Variants in PGBD5 observed in about 807,000 individuals in gnomAD.
The protein encoded by PGBD5 is piggyBac transposable element-derived protein 5.
In PGBD5, 14 loss-of-function variants were observed where a neutral mutation model predicts 47.9. The ratio of observed to expected loss-of-function variants is 0.29; its 90% CI spans 0.19 to 0.46. PGBD5 has a LOEUF of 0.46. PGBD5 is among the 20% of genes least tolerant of loss of function. PGBD5 has a pLI of 1.00. For missense variants in PGBD5, 635 were observed against 716.0 expected, an observed-to-expected ratio of 0.89 and a Z score of 1.29; for synonymous variants, 316 against 306.3, an observed-to-expected ratio of 1.03 and a Z score of -0.33.
Position 230,323,490 on chromosome 1 carries a change from C to T in PGBD5, c.1510G>A (p.Ala504Thr), listed in dbSNP as rs537859087. The T allele has an allele frequency of 5.0e-6, 8 of 1,614,192 alleles. 1 individual carries two copies. In the Admixed American group the frequency reaches 1.2e-4, roughly 24 times the overall value. ...CTGACGAGTCTCTCTCCAAACTGCG[C>T]CCGGCTGTACCTCTTCACGTGGTAG... is the stretch of plus-strand genomic sequence containing the variant. ...DAYHVKRYSR[A>T]QFGERLVREL... Residue 504 changes from alanine (A) to threonine (T), a missense_variant, in exon 7 of 7, where the codon GCG (alanine) becomes ACG (threonine). Coordinates refer to ENST00000391860, the MANE Select transcript of PGBD5 (RefSeq NM_001258311.2). This position sits in a 1 kb window ranked among gnomAD's most constrained non-coding sequence, Gnocchi z 4.1.
rs1018442192 is a variant in PGBD5 at position 230,357,419 on chromosome 1, G to C, written c.332-98C>G. 9.0e-6 allele frequency: 12 copies of C among 1,333,630 alleles called. No homozygotes were observed. Among genetic ancestry groups the C allele is most frequent in the South Asian group, 8.5e-5 (6 of 70,366 alleles). 82.6% of individuals were successfully genotyped at this position (1,333,630 alleles called of 1,614,324 possible). A position where few individuals can be genotyped will look rare whatever the true frequency, so the allele number is the denominator to read the frequency against. On this transcript the variant is annotated intron_variant, in intron 1 of 6. Coordinates refer to ENST00000391860, the MANE Select transcript of PGBD5 (RefSeq NM_001258311.2). This position sits in a 1 kb window ranked among gnomAD's most constrained non-coding sequence, Gnocchi z 5.7. ...ATTTCCAATCCCTGGGTCCCTGGCC[G>C]AGTGCCCCCGCTGCCTCCAGTGCTA...
intron 4 of PGBD5, among the ~76,000 whole-genome samples, chr1:230,333,632 G>C (rs984658138): frequency 6.6e-6 from 1 of 152,222 alleles, no homozygotes; most frequent in Non-Finnish European, 1.5e-5. Context: ...CTGCACCCCA[G>C]GAAGCTGTCA....
chr1:230,358,118 A>AC (rs1280052360), intron 1 of PGBD5, among the ~76,000 whole-genome samples: 1 of 151,262 alleles, frequency 6.6e-6, no homozygotes, highest in African/African-American at 2.4e-5. Flanking sequence ...GCACTCCAAC[A>AC]CTCCCCCCAG....
chr1:230,352,140 GT>G (rs1252388721), intron 2 of PGBD5, among the ~76,000 whole-genome samples: 2 of 152,158 alleles, frequency 1.3e-5, no homozygotes, highest in Non-Finnish European at 2.9e-5. Flanking sequence ...GCCCACGTCT[GT>G]TTTTGTAAAT....
chr1:230,342,013 G>A (rs1312639279), intron 3 of PGBD5, among the ~76,000 whole-genome samples: 3 of 152,124 alleles, frequency 2.0e-5, no homozygotes, highest in Non-Finnish European at 2.9e-5. Flanking sequence ...ACAACAAAAA[G>A]GATCTTAGGA....
At chr1:230,349,935 T>C (rs1349797205) in intron 3 of PGBD5, among the ~76,000 whole-genome samples, 4 of 152,246 alleles carry the variant, frequency 2.6e-5, no homozygotes, top group Non-Finnish European at 1.5e-5. Flanking sequence ...CCCTCAGACC[T>C]GCAGAAGGAG....
At chr1:230,356,260 A>G (rs1007510822) in intron 2 of PGBD5, among the ~76,000 whole-genome samples, 1 of 152,190 alleles carries the variant, frequency 6.6e-6, no homozygotes, top group Non-Finnish European at 1.5e-5. Context: ...CCCCAGGGCC[A>G]GGTGCCATTG....
chr1:230,371,456 T>C (rs1208554529), intron 1 of PGBD5, among the ~76,000 whole-genome samples: 1 of 152,190 alleles, frequency 6.6e-6, no homozygotes, highest in Non-Finnish European at 1.5e-5. Flanking sequence ...AAGAAACACC[T>C]ATTCTTGGAA....
intron 1 of PGBD5, among the ~76,000 whole-genome samples, chr1:230,413,511 C>A (rs761405536): frequency 4.0e-5 from 6 of 151,824 alleles, no homozygotes; most frequent in South Asian, 2.1e-4. Flanking sequence ...CATAAAAGGG[C>A]GGGGAGGGGA....
chr1:230,356,885 G>A lies in PGBD5; in HGVS notation c.759+9C>T. 6.2e-7 allele frequency: 1 copy of A among 1,610,692 alleles called. No individual in the cohort carries two copies. The highest frequency in any genetic ancestry group is 1.1e-5 in the South Asian group (1 of 90,860). Reference sequence around the variant, plus strand: ...CTGGACAAGCTCTTACGTCCTGCGTGGGCCTCACCTGGGTTTGGGAAGGCC... The same window carrying A: ...CTGGACAAGCTCTTACGTCCTGCGTAGGCCTCACCTGGGTTTGGGAAGGCC... On this transcript the variant is annotated intron_variant, in intron 2 of 6. Transcript: ENST00000391860.
rs115170791 is a variant in PGBD5 at position 230,398,463 on chromosome 1, C to T, written c.331+27135G>A. ...GCCCACCCATATGATTTCATTTTACCTTAATTACCTTTTAAAGACCTCATC... is the reference window on the plus strand; with the variant it reads ...GCCCACCCATATGATTTCATTTTACTTTAATTACCTTTTAAAGACCTCATC... On this transcript the variant is annotated intron_variant, in intron 1 of 6. Transcript: ENST00000391860. Among the ~76,000 whole-genome samples the T allele has an allele frequency of 3.4e-3, 525 of 152,250 alleles. 3 individuals carry two copies. Among genetic ancestry groups the T allele is most frequent in the African/African-American group, 0.012 (489 of 41,544 alleles).
At chr1:230,393,287 G>A (rs1440004815) in intron 1 of PGBD5, among the ~76,000 whole-genome samples, 4 of 144,088 alleles carry the variant, frequency 2.8e-5, no homozygotes, top group Admixed American at 7.0e-5. Flanking sequence ...AGGAAAAAGC[G>A]AAGAGAAGAG....
intron 1 of PGBD5, among the ~76,000 whole-genome samples, chr1:230,376,649 A>T (rs917032710): frequency 6.6e-6 from 1 of 152,136 alleles, no homozygotes; most frequent in Non-Finnish European, 1.5e-5. Flanking sequence ...CAGGATGTTC[A>T]TTCTATCCCA....
At position 230,330,298 on chromosome 1, in the gene PGBD5, C is replaced by T. The variant is rs542123524; in HGVS notation, c.1273+2546G>A. ...TGCGATGGTAGAGAAGTACAGCCTG[C>T]GGCAACCCATCACCAGAAACCTTGA... On this transcript the variant is annotated intron_variant, in intron 5 of 6. Transcript: ENST00000391860. Among the ~76,000 whole-genome samples, 30 of 152,312 alleles carry T rather than the reference C, an allele frequency of 2.0e-4. No homozygotes were observed. In the East Asian group the frequency reaches 3.5e-3, roughly 18 times the overall value.
At chr1:230,358,274 G>A (rs542866940) in intron 1 of PGBD5, among the ~76,000 whole-genome samples, 8 of 152,170 alleles carry the variant, frequency 5.3e-5, no homozygotes, top group African/African-American at 1.7e-4. Context: ...CTGATCTGAA[G>A]AGAAAAAGAC....
intron 1 of PGBD5, among the ~76,000 whole-genome samples, chr1:230,386,150 G>A (rs781237920): frequency 2.6e-5 from 4 of 152,046 alleles, no homozygotes; most frequent in African/African-American, 9.7e-5. Flanking sequence ...AACACAGCGA[G>A]ACCCCATCTC....
At chr1:230,401,381 G>A (rs199800621) in intron 1 of PGBD5, among the ~76,000 whole-genome samples, 3 of 152,282 alleles carry the variant, frequency 2.0e-5, no homozygotes, top group East Asian at 1.9e-4. Flanking sequence ...GCTCATCCCC[G>A]TTGAGGTGGC....
At chr1:230,369,762 G>T (rs1426689650) in intron 1 of PGBD5, among the ~76,000 whole-genome samples, 1 of 152,132 alleles carries the variant, frequency 6.6e-6, no homozygotes, top group African/African-American at 2.4e-5. Flanking sequence ...AGACAGTGCT[G>T]GTCCTATCTC....
At chr1:230,418,915 A>C (rs534703581) in intron 1 of PGBD5, among the ~76,000 whole-genome samples, 1 of 152,354 alleles carries the variant, frequency 6.6e-6, no homozygotes, top group African/African-American at 2.4e-5. Flanking sequence ...CATAAGCTTC[A>C]TTATATAAAG....
Sources: gnomAD v4.1 joint callset for allele counts (sites outside exome capture counted in the v4.1 genomes callset) on GRCh38, gnomAD v4.1.1 for gene constraint, Gnocchi (gnomAD v3.1) non-coding constraint, MANE v1.5 for transcripts, NCBI Gene and HGNC (gene_info 2026-07-23, HGNC 2026-07-21) for gene names.